Variants in TRAPPC11 observed in about 807,000 individuals in gnomAD.
TRAPPC11 encodes the protein foie gras homolog.
Under a neutral mutation model 151.2 loss-of-function variants are expected in TRAPPC11, and 104 were observed. The observed-to-expected ratio is 0.69, with a 90% CI of 0.59 to 0.81. The LOEUF (loss-of-function observed/expected upper bound fraction) is 0.81. Among genes scored for constraint, TRAPPC11 ranks in the 30% least tolerant of loss-of-function variants. The probability of loss-of-function intolerance (pLI) is 0.00; values close to 1 mark genes in which losing one functional copy is unlikely to be tolerated. For synonymous variants in TRAPPC11, 456 were observed against 472.3 expected (o/e 0.97, Z 0.45); for missense variants, 1,230 against 1,349.6 (o/e 0.91, Z 1.39).
intron 23 of TRAPPC11, 62 bp from the exon 24 acceptor site, chr4:183,697,441 T>C (rs1243746619): frequency 1.3e-6 from 2 of 1,508,780 alleles, no homozygotes; most frequent in Non-Finnish European, 1.8e-6. Context: ...GTTGTGTTTT[T>C]TAAAACTTTA....
At chr4:183,684,664 C>A (rs1372321241) in intron 14 of TRAPPC11, 32 bp from the exon 15 acceptor site, 1 of 1,606,034 alleles carries the variant, frequency 6.2e-7, no homozygotes, top group South Asian at 1.1e-5. Context: ...TCTTGTGAAG[C>A]CGGTTCAGTA....
chr4:183,697,554 T>C lies in TRAPPC11; in HGVS notation c.2680T>C (p.Phe894Leu), dbSNP rs780671726. ...CTTTCCATTTGATGTTGCGGTTAAA[T>C]TTGTTTCTACCAAGGTATGTTTCTT... The part of the protein sequence containing the change: ...TVFPFDVAVK[F>L]VSTKFEHLER... The change falls in exon 24 of 30, where the codon TTT becomes CTT. Residue 894 changes from phenylalanine (F) to leucine (L), a missense_variant. Physicochemically the swap from Phe to Leu is conservative, Grantham distance 22. Transcript: ENST00000334690. The C allele has an allele frequency of 1.9e-6, 3 of 1,603,604 alleles. No individual in the cohort carries two copies. Among genetic ancestry groups the C allele is most frequent in the South Asian group, 1.1e-5 (1 of 88,444 alleles).
intron 3 of TRAPPC11, among the ~76,000 whole-genome samples, chr4:183,666,682 G>A (rs1207662230): frequency 6.6e-6 from 1 of 152,130 alleles, no homozygotes; most frequent in African/African-American, 2.4e-5. Context: ...TGGAGACATA[G>A]TAATTTACTG....
chr4:183,669,917 A>G (rs1735068761), intron 5 of TRAPPC11, among the ~76,000 whole-genome samples: 1 of 152,220 alleles, frequency 6.6e-6, no homozygotes. Flanking sequence ...ATGATGAAAC[A>G]TTTCAATAAG....
chr4:183,697,621 A>C (rs1052774597), intron 24 of TRAPPC11, 53 bp downstream of exon 24: 1 of 1,607,402 alleles, frequency 6.2e-7, no homozygotes, highest in Non-Finnish European at 8.5e-7. Flanking sequence ...AAATGGACTG[A>C]AATGATAAAA....
At chr4:183,683,577 G>A (rs112771800) in intron 11 of TRAPPC11, among the ~76,000 whole-genome samples, 24,154 of 151,916 alleles carry the variant, frequency 0.16, 2,369 homozygotes, top group Middle Eastern at 0.27. Context: ...TGGGATGATC[G>A]CTTGAGCCTA....
intron 20 of TRAPPC11, 26 bp downstream of exon 20, chr4:183,693,173 TTAAAGG>T (rs1268623226): frequency 6.5e-7 from 1 of 1,546,990 alleles, no homozygotes; most frequent in Non-Finnish European, 8.7e-7. Flanking sequence ...TAAGCTGATA[TTAAAGG>T]TCATCCTCTT....
intron 26 of TRAPPC11, among the ~76,000 whole-genome samples, chr4:183,702,721 A>G (rs1483470475): frequency 6.6e-6 from 1 of 152,222 alleles, no homozygotes; most frequent in East Asian, 1.9e-4. Context: ...GGAAGATTCA[A>G]TTGTATCATT....
chr4:183,673,275 A>G (rs1351783302), intron 5 of TRAPPC11, among the ~76,000 whole-genome samples: 2 of 152,158 alleles, frequency 1.3e-5, no homozygotes, highest in Non-Finnish European at 2.9e-5. Context: ...CAAAATTTAA[A>G]GGATAGCTTA....
chr4:183,674,623 A>G, intron 5 of TRAPPC11, 90 bp from the exon 6 acceptor site: 1 of 665,246 alleles, frequency 1.5e-6, no homozygotes, highest in Non-Finnish European at 2.5e-6. Context: ...TTCTGTCACC[A>G]TTTTACTTTC....
In TRAPPC11 at chr4:183,666,322, G is replaced by A. The variant is rs60142264; in HGVS notation, c.270G>A (p.Leu90=). The change falls in exon 3 of 30, where the codon CTG becomes CTA. Residue 90 remains leucine, a synonymous_variant. Transcript: ENST00000334690. ...AGACTGGCTGGATGAATAAGCATCT[G>A]AATCTGGTGCCAGCCCTGGTGGTTG... ...ILKTGWMNKH[L]NLVPALVVVF... 2 of 1,614,178 alleles carry A rather than the reference G, an allele frequency of 1.2e-6. No individual in the cohort carries two copies. The highest frequency in any genetic ancestry group is 1.6e-4 in the Middle Eastern group (1 of 6,062).
At chr4:183,712,507 C>A in intron 29 of TRAPPC11, 93 bp from the exon 30 acceptor site, 1 of 1,228,388 alleles carries the variant, frequency 8.1e-7, no homozygotes, top group Non-Finnish European at 1.2e-6. Context: ...TTTTGTAAAA[C>A]AGTTTCAAGA....
At position 183,674,813 on chromosome 4, in the gene TRAPPC11, G is replaced by A; in HGVS notation, c.660+1G>A. The A allele has an allele frequency of 6.4e-7, 1 of 1,563,606 alleles. No individual in the cohort carries two copies. Among genetic ancestry groups the A allele is most frequent in the African/African-American group, 1.4e-5 (1 of 72,406 alleles). On this transcript the variant is annotated splice_donor_variant, in intron 6 of 29. Coordinates refer to ENST00000334690, the MANE Select transcript of TRAPPC11 (RefSeq NM_021942.6). LOFTEE classifies it high-confidence loss of function. ...ATTTTTGAATAAAACAACACACCAG[G>A]TGCGTGATTTTTTGCAATAATAGAA... is the stretch of plus-strand genomic sequence containing the variant.
rs991065648 is a variant in TRAPPC11, at chr4:183,693,911, T to C, written c.2387-6T>C. ...TGTTTTGAAGAACCAATATTAACTC[T>C]TTTAGGACAGGATGCCAATTTAACT... On this transcript the variant is annotated splice_polypyrimidine_tract_variant and splice_region_variant and intron_variant, in intron 21 of 29. Coordinates refer to ENST00000334690, the MANE Select transcript of TRAPPC11 (RefSeq NM_021942.6). 7.4e-6 allele frequency: 12 copies of C among 1,613,038 alleles called. No individual in the cohort carries two copies. The highest frequency in any genetic ancestry group is 1.6e-4 in the Middle Eastern group (1 of 6,084).
rs768253464 is a variant in TRAPPC11 at position 183,679,420 on chromosome 4, A to T, written c.899A>T (p.Asp300Val). Reference protein sequence around the residue: ...DAIAQFRKHIDLCKKKIGSAE... With the variant: ...DAIAQFRKHIVLCKKKIGSAE... ...ATTGCTCAGTTCCGAAAACACATCG[A>T]CTTGTGTAAGAAAAAGATTGGAAGT... Residue 300 changes from aspartate (D) to valine (V), a missense_variant, in exon 9 of 30, where the codon GAC becomes GTC. Physicochemically the swap from Asp to Val is radical, Grantham distance 152. Transcript: ENST00000334690. 2.6e-5 allele frequency: 42 copies of T among 1,613,136 alleles called. No individual in the cohort carries two copies. The highest frequency in any genetic ancestry group is 3.2e-5 in the Non-Finnish European group (38 of 1,179,476).
chr4:183,680,778 C>A (rs1187154609), intron 10 of TRAPPC11, among the ~76,000 whole-genome samples: 1 of 144,504 alleles, frequency 6.9e-6, no homozygotes, highest in East Asian at 2.2e-4. Flanking sequence ...TCCATCTCTT[C>A]ATCTCTTGGG....
intron 5 of TRAPPC11, among the ~76,000 whole-genome samples, chr4:183,671,055 A>C (rs1162218294): frequency 3.3e-5 from 5 of 152,076 alleles, no homozygotes; most frequent in Non-Finnish European, 7.4e-5. Flanking sequence ...TAGTAGAGTC[A>C]GGGTTTTACC....
chr4:183,665,316 G>C (rs113538197), intron 2 of TRAPPC11, among the ~76,000 whole-genome samples: 20,247 of 151,828 alleles, frequency 0.13, 1,463 homozygotes, highest in African/African-American at 0.18. Flanking sequence ...GGATGGTCTC[G>C]ATCTCCTGAC....
intron 27 of TRAPPC11, among the ~76,000 whole-genome samples, chr4:183,706,596 C>T (rs1737084678): frequency 6.6e-6 from 1 of 151,966 alleles, no homozygotes; most frequent in South Asian, 2.1e-4. Context: ...CTAGGCCAGT[C>T]ATTTTTAGAA....
Sources: gnomAD v4.1 joint callset for allele counts (sites outside exome capture counted in the v4.1 genomes callset) on GRCh38, gnomAD v4.1.1 for gene constraint, MANE v1.5 for transcripts, NCBI Gene and HGNC (gene_info 2026-07-23, HGNC 2026-07-21) for gene names.